Variants in SHROOM3 observed in about 807,000 individuals in gnomAD.
SHROOM3 encodes the protein shroom family member 3, also known as protein Shroom3.
In SHROOM3, 47 loss-of-function variants were observed where a neutral mutation model predicts 138.6. That is an observed-to-expected ratio of 0.34 (90% confidence interval 0.27 to 0.43). SHROOM3 has a LOEUF of 0.43. Ranked by LOEUF, SHROOM3 falls within the 20% of genes least tolerant of loss-of-function variation. The probability of loss-of-function intolerance (pLI) is 1.00; values close to 1 mark genes in which losing one functional copy is unlikely to be tolerated. For synonymous variants in SHROOM3, 1,062 were observed against 1,063.3 expected, an observed-to-expected ratio of 1.00 and a Z score of 0.02; for missense variants, 2,491 against 2,596.5, an observed-to-expected ratio of 0.96 and a Z score of 0.88.
intron 2 of SHROOM3, among the ~76,000 whole-genome samples, chr4:76,690,360 G>T (rs1719489879): frequency 6.6e-6 from 1 of 152,148 alleles, no homozygotes; most frequent in South Asian, 2.1e-4. Flanking sequence ...ATGTATTTTG[G>T]CATTACCTTT....
At chr4:76,622,453 A>G (rs1392531483) in intron 2 of SHROOM3, among the ~76,000 whole-genome samples, 1 of 152,058 alleles carries the variant, frequency 6.6e-6, no homozygotes, top group East Asian at 1.9e-4. Flanking sequence ...TTTGTTTTCA[A>G]ACGAACTGGT....
At chr4:76,544,079 C>T (rs1733161207) in intron 1 of SHROOM3, among the ~76,000 whole-genome samples, 1 of 152,160 alleles carries the variant, frequency 6.6e-6, no homozygotes, top group Non-Finnish European at 1.5e-5. Context: ...TCTAAGAAAG[C>T]ATGTTTCTAG....
chr4:76,444,445 T>A (rs556127720), intron 1 of SHROOM3, among the ~76,000 whole-genome samples: 1 of 150,334 alleles, frequency 6.7e-6, no homozygotes, highest in African/African-American at 2.4e-5. Flanking sequence ...AACAGCCTTC[T>A]TGAACCTCAG....
intron 1 of SHROOM3, among the ~76,000 whole-genome samples, chr4:76,553,285 AT>A (rs1240170059): frequency 6.6e-6 from 1 of 151,014 alleles, no homozygotes; most frequent in Non-Finnish European, 1.5e-5. Flanking sequence ...TTATTTATTT[AT>A]TTTTTTTGAG....
chr4:76,658,627 T>C (rs1057168262), intron 2 of SHROOM3, among the ~76,000 whole-genome samples: 3 of 152,074 alleles, frequency 2.0e-5, no homozygotes, highest in African/African-American at 7.2e-5. Flanking sequence ...ACATCAAGCA[T>C]TCCTGCAGGA....
intron 1 of SHROOM3, among the ~76,000 whole-genome samples, chr4:76,457,788 CT>C (rs1246294464): frequency 6.7e-5 from 10 of 149,000 alleles, no homozygotes; most frequent in Non-Finnish European, 1.3e-4. Flanking sequence ...CCGAGCCTGG[CT>C]TTTCTTTTCT....
chr4:76,582,234 C>T (rs890711650), intron 2 of SHROOM3, among the ~76,000 whole-genome samples: 1 of 152,116 alleles, frequency 6.6e-6, no homozygotes, highest in Non-Finnish European at 1.5e-5. Flanking sequence ...TTCTAGCTCC[C>T]CCATTCATAA....
At chr4:76,617,715 C>T (rs1269150783) in intron 2 of SHROOM3, among the ~76,000 whole-genome samples, 1 of 151,994 alleles carries the variant, frequency 6.6e-6, no homozygotes, top group Admixed American at 6.6e-5. Context: ...TTCTGAGTTC[C>T]AGGAATTGAC....
In SHROOM3 at chr4:76,669,677, T is replaced by TA. The variant is rs552904125; in HGVS notation, c.324-40469dup. 5.1e-3 allele frequency among the ~76,000 whole-genome samples: 762 copies of TA among 150,630 alleles called. 1 individual carries two copies. Among genetic ancestry groups the TA allele is most frequent in the Non-Finnish European group, 7.6e-3 (513 of 67,518 alleles). On this transcript the variant is annotated intron_variant, in intron 2 of 10. Transcript: ENST00000296043. ...TTAAATAAACTTTTTGCTTAAAATTTAAAAAAAAAATAATAATTGTTGTGC... is the reference window on the plus strand; with the variant it reads ...TTAAATAAACTTTTTGCTTAAAATTTAAAAAAAAAAATAATAATTGTTGTGC...
intron 1 of SHROOM3, among the ~76,000 whole-genome samples, chr4:76,516,457 G>A (rs1278195763): frequency 1.3e-5 from 2 of 152,054 alleles, no homozygotes; most frequent in Non-Finnish European, 2.9e-5. Flanking sequence ...GGGTTCCCTT[G>A]TAAGACCATC....
At chr4:76,619,838 G>A (rs1352088495) in intron 2 of SHROOM3, among the ~76,000 whole-genome samples, 5 of 152,068 alleles carry the variant, frequency 3.3e-5, no homozygotes, top group African/African-American at 1.2e-4. Flanking sequence ...GAGGCGGGTG[G>A]ATCACCTGAG....
chr4:76,488,903 T>A (rs72657893), intron 1 of SHROOM3, among the ~76,000 whole-genome samples: 2,569 of 152,294 alleles, frequency 0.017, 35 homozygotes, highest in Non-Finnish European at 0.025. Context: ...CACAAATAGG[T>A]TAAGGCAATT....
At chr4:76,461,523 A>T (rs927959993) in intron 1 of SHROOM3, among the ~76,000 whole-genome samples, 3 of 152,196 alleles carry the variant, frequency 2.0e-5, no homozygotes, top group African/African-American at 7.2e-5. Flanking sequence ...AAGTATAAAG[A>T]TATTTACTAC....
chr4:76,723,331 C>A (rs140707105), intron 3 of SHROOM3, among the ~76,000 whole-genome samples: 36 of 152,250 alleles, frequency 2.4e-4, no homozygotes, highest in African/African-American at 8.7e-4. Context: ...CTCTTGTATT[C>A]TTTAAAAACC....
intron 2 of SHROOM3, among the ~76,000 whole-genome samples, chr4:76,654,502 T>A (rs1438536095): frequency 6.6e-6 from 1 of 151,760 alleles, no homozygotes; most frequent in African/African-American, 2.4e-5. Flanking sequence ...AATTTTTGTA[T>A]TTTTTTTGTA....
chr4:76,671,797 A>T (rs1290793387), intron 2 of SHROOM3, among the ~76,000 whole-genome samples: 2 of 152,216 alleles, frequency 1.3e-5, no homozygotes, highest in African/African-American at 4.8e-5. Context: ...CTTATCCTAC[A>T]TGCTTGGAAC....
chr4:76,493,545 A>G (rs1019640438), intron 1 of SHROOM3, among the ~76,000 whole-genome samples: 2 of 152,180 alleles, frequency 1.3e-5, no homozygotes, highest in Admixed American at 1.3e-4. Context: ...AGGTTCGGCT[A>G]AAGGTGAGGG....
intron 2 of SHROOM3, among the ~76,000 whole-genome samples, chr4:76,604,561 C>T (rs1174312345): frequency 6.6e-6 from 1 of 152,132 alleles, no homozygotes. Context: ...AAAATGATCT[C>T]TTCAAAGTTG....
intron 1 of SHROOM3, among the ~76,000 whole-genome samples, chr4:76,482,159 A>G (rs563966686): frequency 6.6e-6 from 1 of 152,332 alleles, no homozygotes; most frequent in South Asian, 2.1e-4. Flanking sequence ...GGCCAGGGCA[A>G]TCAGGCAAGA....
Sources: gnomAD v4.1 joint callset for allele counts (sites outside exome capture counted in the v4.1 genomes callset) on GRCh38, gnomAD v4.1.1 for gene constraint, MANE v1.5 for transcripts, NCBI Gene and HGNC (gene_info 2026-07-23, HGNC 2026-07-21) for gene names.